The following SANBR variants were observed in gnomAD, a reference collection of about 807,000 sequenced individuals.
The protein encoded by SANBR is SANT and BTB domain regulator of CSR, also known as SANT and BTB domain regulator of class switch recombination.
Under a neutral mutation model 101.8 loss-of-function variants are expected in SANBR, and 77 were observed. The ratio of observed to expected loss-of-function variants is 0.76; its 90% CI spans 0.63 to 0.91. SANBR has a LOEUF of 0.91. SANBR is among the 40% of genes least tolerant of loss of function. SANBR has a pLI of 0.00. For synonymous variants in SANBR, 279 were observed against 274.7 expected (o/e 1.02, Z -0.15); for missense variants, 875 against 853.0 (o/e 1.03, Z -0.32).
At position 61,123,562 on chromosome 2, in the gene SANBR, G is replaced by A; in HGVS notation, c.*1400G>A. The stretch of plus-strand genomic sequence containing the variant: ...AAATGTCTTGTAGTACATATTATAT[G>A]TAAGTACTCTGTTAAATACCAGAGT... On this transcript the variant is annotated 3_prime_UTR_variant, in exon 22 of 22. Transcript: ENST00000402291. 1.0e-6 allele frequency: 1 copy of A among 963,338 alleles called. No homozygotes were observed. The highest frequency in any genetic ancestry group is 1.2e-6 in the Non-Finnish European group (1 of 809,734). The allele number at this position is 963,338 out of a possible 1,614,324, so 59.7% of individuals were successfully genotyped here. A position where few individuals can be genotyped will look rare whatever the true frequency, so the allele number is the denominator to read the frequency against.
intron 3 of SANBR, among the ~76,000 whole-genome samples, chr2:61,071,117 TTAGAGGCTTTTGCATA>T (rs1221080738): frequency 4.6e-5 from 7 of 152,148 alleles, no homozygotes; most frequent in Admixed American, 2.6e-4. Flanking sequence ...AAAATAGAAG[TTAGAGGCTTTTGCATA>T]GTGAAATGTA....
chr2:61,105,378 G>A (rs1261278682), intron 13 of SANBR, among the ~76,000 whole-genome samples: 7 of 151,000 alleles, frequency 4.6e-5, no homozygotes, highest in Non-Finnish European at 8.9e-5. Flanking sequence ...AAAAAAAAAA[G>A]CATTTCAGTT....
intron 8 of SANBR, among the ~76,000 whole-genome samples, chr2:61,083,730 G>A (rs1263431660): frequency 1.3e-5 from 2 of 151,984 alleles, no homozygotes; most frequent in East Asian, 1.9e-4. Flanking sequence ...TTAGCCAGGT[G>A]TGGTGGCAGG....
rs1684417209 is a variant in SANBR, at chr2:61,123,560, A to G, written c.*1398A>G. ...GAAAATGTCTTGTAGTACATATTAT[A>G]TGTAAGTACTCTGTTAAATACCAGA... On this transcript the variant is annotated 3_prime_UTR_variant, in exon 22 of 22. Coordinates refer to ENST00000402291, the MANE Select transcript of SANBR (RefSeq NM_001129993.3). 2.1e-6 allele frequency: 2 copies of G among 962,276 alleles called. No homozygotes were observed. Among genetic ancestry groups the G allele is most frequent in the African/African-American group, 1.8e-5 (1 of 56,720 alleles). 59.6% of individuals were successfully genotyped at this position (962,276 alleles called of 1,614,324 possible).
intron 21 of SANBR, 47 bp downstream of exon 21, chr2:61,121,323 A>T: frequency 3.2e-6 from 4 of 1,268,222 alleles, no homozygotes; most frequent in South Asian, 1.4e-5. Context: ...TTTGAAGTGA[A>T]TTTTTTTTTT....
intron 20 of SANBR, among the ~76,000 whole-genome samples, chr2:61,130,659 T>G (rs1176719855): frequency 1.3e-5 from 2 of 151,740 alleles, no homozygotes; most frequent in Non-Finnish European, 2.9e-5. Flanking sequence ...TTTTTAAGTT[T>G]CACAATCAGC....
downstream of SANBR, among the ~76,000 whole-genome samples, chr2:61,124,638 C>G (rs1330880976): frequency 1.3e-5 from 2 of 150,304 alleles, no homozygotes; most frequent in Non-Finnish European, 2.9e-5. Flanking sequence ...CCTGAGAGTG[C>G]AAGGCTTCAG....
chr2:61,071,182 G>T (rs1368350194), intron 3 of SANBR, among the ~76,000 whole-genome samples: 1 of 152,152 alleles, frequency 6.6e-6, no homozygotes, highest in African/African-American at 2.4e-5. Flanking sequence ...GTTAATATTT[G>T]CTTACAAAAA....
chr2:61,132,661 C>A (rs948951795), intron 20 of SANBR, among the ~76,000 whole-genome samples: 1 of 152,124 alleles, frequency 6.6e-6, no homozygotes, highest in Non-Finnish European at 1.5e-5. Context: ...CAGATATATA[C>A]GCAAAAGAAT....
intron 16 of SANBR, among the ~76,000 whole-genome samples, chr2:61,115,346 A>ATATT (rs1553436760): frequency 1.4e-5 from 2 of 147,502 alleles, no homozygotes; most frequent in Admixed American, 6.8e-5. Flanking sequence ...ATATATATAT[A>ATATT]TTTTTTTTTT....
intron 8 of SANBR, among the ~76,000 whole-genome samples, chr2:61,084,811 T>C (rs1437733936): frequency 6.6e-6 from 1 of 152,112 alleles, no homozygotes; most frequent in East Asian, 1.9e-4. Context: ...CAGTAGTCTG[T>C]TGAGAAGTGA....
At chr2:61,094,129 T>A in intron 11 of SANBR, 1 of 959,224 alleles carries the variant, frequency 1.0e-6, no homozygotes, top group African/African-American at 1.8e-5. Flanking sequence ...CCCACAATTT[T>A]AAAAAGGTTT....
At chr2:61,071,535 G>C in intron 3 of SANBR, 71 bp from the exon 4 acceptor site, 1 of 1,020,370 alleles carries the variant, frequency 9.8e-7, no homozygotes, top group Non-Finnish European at 1.4e-6. Flanking sequence ...GGGCGACAAT[G>C]TGAGACTCCG....
chr2:61,092,441 TA>T, intron 10 of SANBR, 22 bp from the exon 11 acceptor site: 1 of 1,511,302 alleles, frequency 6.6e-7, no homozygotes, highest in South Asian at 1.4e-5. Flanking sequence ...CACTTGCTTG[TA>T]AAATTGAGGC....
intron 20 of SANBR, among the ~76,000 whole-genome samples, chr2:61,130,239 A>G (rs567955146): frequency 6.6e-6 from 1 of 152,248 alleles, no homozygotes; most frequent in African/African-American, 2.4e-5. Context: ...GCTCCAGGCA[A>G]CAACTGGGAT....
chr2:61,075,336 G>A (rs10207181), intron 5 of SANBR, among the ~76,000 whole-genome samples: 3,265 of 152,116 alleles, frequency 0.021, 130 homozygotes, highest in African/African-American at 0.075. Context: ...CGACTCACTG[G>A]AGCTTGACCT....
chr2:61,079,619 C>A (rs1177298), intron 6 of SANBR, among the ~76,000 whole-genome samples: 97,819 of 151,900 alleles, frequency 0.64, 33,462 homozygotes, highest in African/African-American at 0.88. Context: ...TGTATGTGTG[C>A]AATAAAAATC....
At chr2:61,104,241 C>G (rs1627608) in intron 13 of SANBR, among the ~76,000 whole-genome samples, 20 of 151,920 alleles carry the variant, frequency 1.3e-4, no homozygotes, top group East Asian at 7.8e-4. Context: ...CCAGCACTTT[C>G]GGAGGCCAAG....
At chr2:61,094,105 A>G (rs542591649) in intron 11 of SANBR, 13 of 980,184 alleles carry the variant, frequency 1.3e-5, no homozygotes, top group Non-Finnish European at 1.6e-5. Context: ...TTCCCACTCA[A>G]TGGGTTCTGT....
Sources: gnomAD v4.1 joint callset for allele counts (sites outside exome capture counted in the v4.1 genomes callset) on GRCh38, gnomAD v4.1.1 for gene constraint, MANE v1.5 for transcripts, NCBI Gene and HGNC (gene_info 2026-07-23, HGNC 2026-07-21) for gene names.